SCCPDH: variants seen among roughly 807,000 people sequenced by gnomAD.
SCCPDH encodes the protein saccharopine dehydrogenase-like oxidoreductase.
SCCPDH carries 34 observed loss-of-function variants against 51.5 expected under a neutral mutation model. The ratio of observed to expected loss-of-function variants is 0.66; its 90% CI spans 0.50 to 0.88. The LOEUF is 0.88. Among genes scored for constraint, SCCPDH ranks in the 40% least tolerant of loss-of-function variants. The pLI is 0.00. For missense variants in SCCPDH, 464 were observed against 527.1 expected (o/e 0.88, Z 1.17); for synonymous variants, 187 against 191.3 (o/e 0.98, Z 0.19).
chr1:246,737,841 A>G (rs1316409009), intron 3 of SCCPDH, among the ~76,000 whole-genome samples: 1 of 152,010 alleles, frequency 6.6e-6, no homozygotes, highest in African/African-American at 2.4e-5. Context: ...ATCCACCTGC[A>G]TCGGCCTCCC....
chr1:246,746,389 A>G (rs922530733), intron 5 of SCCPDH, among the ~76,000 whole-genome samples: 4 of 152,242 alleles, frequency 2.6e-5, no homozygotes, highest in East Asian at 1.9e-4. Context: ...AGATAACACA[A>G]CCGGTCAGGT....
At chr1:246,752,366 G>A (rs918855786) in intron 5 of SCCPDH, among the ~76,000 whole-genome samples, 2 of 152,146 alleles carry the variant, frequency 1.3e-5, no homozygotes, top group African/African-American at 4.8e-5. Context: ...CTGCAAAGCA[G>A]GCCAGTTGTA....
Position 246,758,278 on chromosome 1 carries a change from A to G in SCCPDH, c.617A>G (p.Asp206Gly), listed in dbSNP as rs1668960650. The change falls in exon 6 of 12, where the codon GAT becomes GGT. Residue 206 changes from aspartate to glycine, a missense_variant. Physicochemically the swap from Asp to Gly is moderately conservative, Grantham distance 94. Transcript: ENST00000366510. ...AAGTCAGCAATTTATGGTTTTGGAG[A>G]TCAGAGTAATTTGAGAAAACTAAGA... The part of the protein sequence containing the change: ...TWKSAIYGFG[D>G]QSNLRKLRNV... The G allele has an allele frequency of 1.2e-6, 2 of 1,610,340 alleles. No individual in the cohort carries two copies. Among genetic ancestry groups the G allele is most frequent in the African/African-American group, 2.7e-5 (2 of 74,778 alleles).
intron 4 of SCCPDH, among the ~76,000 whole-genome samples, chr1:246,741,095 C>CA (rs1211554301): frequency 3.3e-5 from 5 of 150,480 alleles, no homozygotes; most frequent in East Asian, 2.0e-4. Flanking sequence ...TAGAAAAAAG[C>CA]AAAAAAACAA....
rs1668986350 is a variant in SCCPDH, at chr1:246,760,013, GT to G, written c.873del (p.Phe291LeufsTer10). On this transcript the variant is annotated frameshift_variant, in exon 8 of 12. Coordinates refer to ENST00000366510, the MANE Select transcript of SCCPDH (RefSeq NM_016002.3). LOFTEE classifies it high-confidence loss of function. Reference protein sequence around the residue: ...GGITSVIKLMFAGLFFLFFVR... With the variant: ...GGITSVIKLMXAGLFFLFFVR... Reference sequence around the variant, plus strand: ...GCATCACCTCTGTTATTAAGCTGATGTTTGCAGGACTTTTCTTTTTGTTCTT... The same window carrying G: ...GCATCACCTCTGTTATTAAGCTGATGTTGCAGGACTTTTCTTTTTGTTCTT... 1 of 1,613,752 alleles carries G rather than the reference GT, an allele frequency of 6.2e-7. No homozygotes were observed. Among genetic ancestry groups the G allele is most frequent in the African/African-American group, 1.3e-5 (1 of 74,920 alleles).
rs1668959077 is a variant in SCCPDH, at chr1:246,758,160, T to G, written c.565-66T>G. 3 of 1,154,702 alleles carry G rather than the reference T, an allele frequency of 2.6e-6. No individual in the cohort carries two copies. In the African/African-American group the frequency reaches 4.7e-5, roughly 18 times the overall value. The allele number at this position is 1,154,702 out of a possible 1,614,324, so 71.5% of individuals were successfully genotyped here. A position where few individuals can be genotyped will look rare whatever the true frequency, so the allele number is the denominator to read the frequency against. ...AAATATTGTTTGTAACAATGATAAG[T>G]TACTTGGCTTTACATTTTAGTAACT... On this transcript the variant is annotated intron_variant, in intron 5 of 11. Coordinates refer to ENST00000366510, the MANE Select transcript of SCCPDH (RefSeq NM_016002.3).
chr1:246,727,089 A>T, intron 2 of SCCPDH, 85 bp downstream of exon 2: 1 of 1,135,728 alleles, frequency 8.8e-7, no homozygotes, highest in Non-Finnish European at 1.3e-6. Flanking sequence ...AGGACAGAGG[A>T]CAGAATTGTT....
chr1:246,744,775 T>C (rs1035764224), intron 5 of SCCPDH, among the ~76,000 whole-genome samples: 1 of 151,738 alleles, frequency 6.6e-6, no homozygotes, highest in African/African-American at 2.4e-5. Flanking sequence ...CCGCCACACC[T>C]GGCTAATTTT....
rs139256435 is a variant in SCCPDH at position 246,735,784 on chromosome 1, G to A, written c.304-191G>A. On this transcript the variant is annotated intron_variant, in intron 2 of 11. Transcript: ENST00000366510. ...TGACCTCAAGTGATCTACCTGCCTC[G>A]GCCTCCCAAAGTTCTGGGATTACAG... Among the ~76,000 whole-genome samples, 22 of 152,122 alleles carry A rather than the reference G, an allele frequency of 1.4e-4. No homozygotes were observed. The East Asian group carries it at 3.7e-3, about 25-fold the overall frequency.
intron 11 of SCCPDH, among the ~76,000 whole-genome samples, chr1:246,766,772 T>G (rs887395233): frequency 1.3e-5 from 2 of 152,264 alleles, no homozygotes; most frequent in Non-Finnish European, 2.9e-5. Context: ...TTAGCTATTA[T>G]ATTTTTAAAA....
At chr1:246,733,514 T>C (rs1572293908) in intron 2 of SCCPDH, among the ~76,000 whole-genome samples, 2 of 127,606 alleles carry the variant, frequency 1.6e-5, no homozygotes, top group African/African-American at 5.5e-5. Flanking sequence ...ACACACACAC[T>C]TTTTTTCTTA....
chr1:246,754,458 G>A (rs1247296833), intron 5 of SCCPDH, among the ~76,000 whole-genome samples: 3 of 152,218 alleles, frequency 2.0e-5, no homozygotes, highest in East Asian at 1.9e-4. Flanking sequence ...TTTCAGTGCC[G>A]CAAAAGAAAT....
chr1:246,767,407 G>T lies in SCCPDH; in HGVS notation c.*107G>T. 1.8e-6 allele frequency: 1 copy of T among 551,348 alleles called. No individual in the cohort carries two copies. Among genetic ancestry groups the T allele is most frequent in the Non-Finnish European group, 3.0e-6 (1 of 338,794 alleles). The allele number at this position is 551,348 out of a possible 1,614,324, so 34.2% of individuals were successfully genotyped here. On this transcript the variant is annotated 3_prime_UTR_variant, in exon 12 of 12. Coordinates refer to ENST00000366510, the MANE Select transcript of SCCPDH (RefSeq NM_016002.3). ...TGTCTGAGTGTATGTGGAAACGATT[G>T]TCAAATCTAAAATATCTATATATTA...
rs569214175 is a variant in SCCPDH, at chr1:246,754,002, C to A, written c.565-4224C>A. 4.6e-5 allele frequency among the ~76,000 whole-genome samples: 7 copies of A among 152,000 alleles called. No homozygotes were observed. In the East Asian group the frequency reaches 1.2e-3, roughly 25 times the overall value. On this transcript the variant is annotated intron_variant, in intron 5 of 11. Coordinates refer to ENST00000366510, the MANE Select transcript of SCCPDH (RefSeq NM_016002.3). ...AGGGGAATATCCTTGTTATCTTTGT[C>A]CTTCTTGGTCCCTGTCTTGCTTGGG...
chr1:246,749,543 G>A (rs951797745), intron 5 of SCCPDH, among the ~76,000 whole-genome samples: 1 of 152,186 alleles, frequency 6.6e-6, no homozygotes, highest in African/African-American at 2.4e-5. Context: ...GAACTCTGGG[G>A]AGCAGCAGTC....
intron 9 of SCCPDH, among the ~76,000 whole-genome samples, chr1:246,763,037 G>C (rs566421794): frequency 6.6e-6 from 1 of 152,170 alleles, no homozygotes. Flanking sequence ...AATGCAGCCT[G>C]GGCACTGGGG....
intron 5 of SCCPDH, among the ~76,000 whole-genome samples, chr1:246,757,216 C>T (rs2102989546): frequency 6.6e-6 from 1 of 152,046 alleles, no homozygotes; most frequent in East Asian, 1.9e-4. Flanking sequence ...TGGTGGTGGG[C>T]ACCTGTAATC....
At chr1:246,746,598 TG>T (rs2102986010) in intron 5 of SCCPDH, among the ~76,000 whole-genome samples, 1 of 152,248 alleles carries the variant, frequency 6.6e-6, no homozygotes, top group South Asian at 2.1e-4. Context: ...CCCAGCACTT[TG>T]GGAGGCTGAG....
At chr1:246,761,244 T>G (rs1669008199) in intron 9 of SCCPDH, among the ~76,000 whole-genome samples, 1 of 152,290 alleles carries the variant, frequency 6.6e-6, no homozygotes, top group African/African-American at 2.4e-5. Flanking sequence ...CCGGATAATT[T>G]TTTTGTATTT....
Sources: allele counts gnomAD v4.1 joint callset (sites outside exome capture counted in the v4.1 genomes callset), GRCh38; gene constraint gnomAD v4.1.1; transcripts MANE v1.5; gene names NCBI Gene and HGNC (gene_info 2026-07-23, HGNC 2026-07-21).